Variants in GPC6 observed in about 807,000 individuals in gnomAD.
The protein encoded by GPC6 is glypican 6.
Under a neutral mutation model 55.2 loss-of-function variants are expected in GPC6, and 14 were observed. The ratio of observed to expected loss-of-function variants is 0.25; its 90% CI spans 0.17 to 0.40. GPC6 has a LOEUF of 0.40. Ranked by LOEUF, GPC6 falls within the 10% of genes least tolerant of loss-of-function variation. GPC6 has a pLI of 1.00. For synonymous variants in GPC6, 278 were observed against 259.6 expected (o/e 1.07, Z -0.68); for missense variants, 641 against 708.5 (o/e 0.90, Z 1.08).
At chr13:94,353,146 C>T (rs908385186) in intron 6 of GPC6, among the ~76,000 whole-genome samples, 13 of 152,146 alleles carry the variant, frequency 8.5e-5, no homozygotes, top group African/African-American at 2.7e-4. Flanking sequence ...GGGAGGGAGA[C>T]ATGAGTTTGC....
At chr13:94,247,521 T>C (rs989823179) in intron 4 of GPC6, among the ~76,000 whole-genome samples, 2 of 151,866 alleles carry the variant, frequency 1.3e-5, no homozygotes, top group African/African-American at 4.8e-5. Flanking sequence ...AAGGAACTTT[T>C]CTTCTATACC....
At chr13:93,371,033 T>A (rs1380131916) in intron 1 of GPC6, among the ~76,000 whole-genome samples, 2 of 152,092 alleles carry the variant, frequency 1.3e-5, no homozygotes, top group East Asian at 3.9e-4. Context: ...AAACAAATAA[T>A]CTCTTACTTT....
chr13:94,324,432 T>TA (rs924794167), intron 6 of GPC6, among the ~76,000 whole-genome samples: 3 of 152,050 alleles, frequency 2.0e-5, no homozygotes, highest in Non-Finnish European at 4.4e-5. Context: ...ATAGCCTTTT[T>TA]AAAAAAACTC....
intron 1 of GPC6, among the ~76,000 whole-genome samples, chr13:93,520,080 T>C (rs1881354691): frequency 6.6e-6 from 1 of 152,038 alleles, no homozygotes; most frequent in Non-Finnish European, 1.5e-5. Flanking sequence ...TTGTGATGAA[T>C]GATTAAGACA....
intron 6 of GPC6, among the ~76,000 whole-genome samples, chr13:94,312,735 C>CACACACAT (rs1555318673): frequency 5.7e-5 from 8 of 140,656 alleles, no homozygotes; most frequent in African/African-American, 1.2e-4. Flanking sequence ...CACACACACA[C>CACACACAT]ACACACATGC....
At chr13:93,946,673 T>C (rs1879025552) in intron 3 of GPC6, among the ~76,000 whole-genome samples, 1 of 152,216 alleles carries the variant, frequency 6.6e-6, no homozygotes, top group Non-Finnish European at 1.5e-5. Context: ...TCTATTTTCC[T>C]AGAGAGGCTG....
chr13:93,490,302 T>G (rs1879916489), intron 1 of GPC6, among the ~76,000 whole-genome samples: 1 of 151,344 alleles, frequency 6.6e-6, no homozygotes, highest in African/African-American at 2.4e-5. Context: ...TACTGAAAAT[T>G]TTAGAGACAA....
intron 2 of GPC6, among the ~76,000 whole-genome samples, chr13:93,780,532 TCTAA>T (rs1035689759): frequency 2.6e-5 from 4 of 151,866 alleles, no homozygotes; most frequent in Non-Finnish European, 4.4e-5. Context: ...CAGCTGGCAC[TCTAA>T]CTATATGAAA....
intron 4 of GPC6, among the ~76,000 whole-genome samples, chr13:94,224,201 G>A (rs1214790625): frequency 6.6e-6 from 1 of 150,792 alleles, no homozygotes; most frequent in Admixed American, 6.6e-5. Flanking sequence ...TGTTGACTGA[G>A]TTCAGTTGGA....
chr13:93,694,805 A>T (rs1218081922), intron 2 of GPC6, among the ~76,000 whole-genome samples: 1 of 152,070 alleles, frequency 6.6e-6, no homozygotes, highest in African/African-American at 2.4e-5. Flanking sequence ...GACTTAACTA[A>T]CACTTGATAT....
chr13:93,252,084 G>A (rs1258325757), intron 1 of GPC6, among the ~76,000 whole-genome samples: 1 of 152,170 alleles, frequency 6.6e-6, no homozygotes, highest in Non-Finnish European at 1.5e-5. Context: ...TCATCCAAAA[G>A]TCTTATTCAA....
At chr13:94,079,788 G>A (rs1885043004) in intron 4 of GPC6, among the ~76,000 whole-genome samples, 1 of 152,126 alleles carries the variant, frequency 6.6e-6, no homozygotes, top group Non-Finnish European at 1.5e-5. Flanking sequence ...ATTTCTTTGT[G>A]TCTGTTTCCT....
chr13:93,490,379 A>G (rs1272024308), intron 1 of GPC6, among the ~76,000 whole-genome samples: 2 of 150,302 alleles, frequency 1.3e-5, no homozygotes, highest in Non-Finnish European at 2.9e-5. Flanking sequence ...TAAAAATAAA[A>G]TCTATAACAT....
At chr13:93,774,482 C>T (rs1010814485) in intron 2 of GPC6, among the ~76,000 whole-genome samples, 2 of 152,128 alleles carry the variant, frequency 1.3e-5, no homozygotes, top group Admixed American at 1.3e-4. Flanking sequence ...AGCTCTCCTT[C>T]GTGTATTATT....
At chr13:93,918,792 C>G (rs909173457) in intron 3 of GPC6, among the ~76,000 whole-genome samples, 4 of 152,218 alleles carry the variant, frequency 2.6e-5, no homozygotes, top group African/African-American at 9.6e-5. Context: ...ATATCTATTT[C>G]AAGATCTTCA....
intron 1 of GPC6, chr13:93,450,670 T>C (rs1214496328): frequency 8.7e-6 from 7 of 807,908 alleles, no homozygotes; most frequent in Non-Finnish European, 9.0e-6. Flanking sequence ...CGTACTTCTG[T>C]GGAAGGAGTA....
rs901904684 is a variant in GPC6 at position 93,644,233 on chromosome 13, T to C, written c.319+98812T>C. Reference sequence around the variant, plus strand: ...TATACTGCTGTAAATTCGGAAATTATACTTCTTCTAGATCATTTTAAAAAT... The same window carrying C: ...TATACTGCTGTAAATTCGGAAATTACACTTCTTCTAGATCATTTTAAAAAT... On this transcript the variant is annotated intron_variant, in intron 2 of 8. Coordinates refer to ENST00000377047, the MANE Select transcript of GPC6 (RefSeq NM_005708.5). 2.5e-4 allele frequency among the ~76,000 whole-genome samples: 38 copies of C among 152,112 alleles called. 1 individual carries two copies. The highest frequency in any genetic ancestry group is 9.2e-4 in the African/African-American group (38 of 41,438).
intron 2 of GPC6, among the ~76,000 whole-genome samples, chr13:93,549,992 T>C (rs943688723): frequency 1.3e-5 from 2 of 152,188 alleles, no homozygotes; most frequent in Non-Finnish European, 2.9e-5. Context: ...TGAAAAATTA[T>C]TGATATTTCT....
At chr13:94,163,119 T>C (rs182657994) in intron 4 of GPC6, among the ~76,000 whole-genome samples, 2 of 152,360 alleles carry the variant, frequency 1.3e-5, no homozygotes, top group East Asian at 3.9e-4. Context: ...CTAAAGCTAC[T>C]GTATATAAAA....
Sources: allele counts gnomAD v4.1 joint callset (sites outside exome capture counted in the v4.1 genomes callset), GRCh38; gene constraint gnomAD v4.1.1; transcripts MANE v1.5; gene names NCBI Gene and HGNC (gene_info 2026-07-23, HGNC 2026-07-21).